Variants in THSD4 observed in about 807,000 individuals in gnomAD.
THSD4 encodes the protein thrombospondin type-1 domain-containing protein 4.
In THSD4, 69 loss-of-function variants were observed where a neutral mutation model predicts 119.0. The ratio of observed to expected loss-of-function variants is 0.58; its 90% CI spans 0.48 to 0.71. THSD4 has a LOEUF of 0.71. Among genes scored for constraint, THSD4 ranks in the 30% least tolerant of loss-of-function variants. The pLI, the probability that THSD4 is intolerant of heterozygous loss-of-function variation, is 0.00. For missense variants in THSD4, 1,393 were observed against 1,391.1 expected, an observed-to-expected ratio of 1.00 and a Z score of -0.02; for synonymous variants, 524 against 540.4, an observed-to-expected ratio of 0.97 and a Z score of 0.42.
intron 7 of THSD4, among the ~76,000 whole-genome samples, chr15:71,594,126 C>T (rs966047849): frequency 2.6e-5 from 4 of 151,976 alleles, no homozygotes; most frequent in Admixed American, 1.3e-4. Context: ...CGGTCCCTCT[C>T]TCTGCCCCTT....
At chr15:71,677,696 G>A (rs4776568) in intron 8 of THSD4, among the ~76,000 whole-genome samples, 148,266 of 152,314 alleles carry the variant, frequency 0.97, 72,302 homozygotes, top group East Asian at 1. Context: ...TTTCTGCTTT[G>A]TATTGATAGT....
intron 3 of THSD4, among the ~76,000 whole-genome samples, chr15:71,209,619 A>C (rs974808): frequency 0.97 from 148,011 of 152,240 alleles, 72,074 homozygotes; most frequent in Middle Eastern, 1. Flanking sequence ...CGTTTTCCAT[A>C]ATGGAAGATC....
intron 4 of THSD4, among the ~76,000 whole-genome samples, chr15:71,241,807 A>C (rs986959393): frequency 3.3e-5 from 5 of 152,192 alleles, no homozygotes; most frequent in Non-Finnish European, 7.3e-5. Context: ...GGCTTGTCCA[A>C]CCCATGGCCC....
intron 6 of THSD4, among the ~76,000 whole-genome samples, chr15:71,405,716 T>A (rs1040455410): frequency 1.3e-5 from 2 of 152,214 alleles, no homozygotes; most frequent in Non-Finnish European, 2.9e-5. Context: ...TTGTATTGAA[T>A]CTGTAGATCA....
intron 7 of THSD4, among the ~76,000 whole-genome samples, chr15:71,608,354 AC>A (rs1328898639): frequency 1.3e-5 from 2 of 151,968 alleles, no homozygotes; most frequent in East Asian, 3.9e-4. Context: ...GTCCTGATGT[AC>A]TTCTTTCTGG....
rs780485314 is a variant in THSD4 at position 71,141,504 on chromosome 15, G to C, written c.-24G>C. 3 of 1,605,510 alleles carry C rather than the reference G, an allele frequency of 1.9e-6. No individual in the cohort carries two copies. The highest frequency in any genetic ancestry group is 3.4e-5 in the Admixed American group (2 of 58,892). On this transcript the variant is annotated 5_prime_UTR_variant, in exon 2 of 18. Coordinates refer to ENST00000261862, the MANE Select transcript of THSD4 (RefSeq NM_024817.3). ...TTGGCAACGTCTCTGAAGAGCCCTT[G>C]CTTTTGCCTGGACCCCCAGCATCAT...
At chr15:71,747,540 A>G (rs2053363478) in intron 13 of THSD4, among the ~76,000 whole-genome samples, 1 of 152,232 alleles carries the variant, frequency 6.6e-6, no homozygotes, top group Non-Finnish European at 1.5e-5. Flanking sequence ...TACAAGTTGA[A>G]AGGCTTTTAG....
At chr15:71,593,969 A>C (rs2049858739) in intron 7 of THSD4, among the ~76,000 whole-genome samples, 1 of 151,436 alleles carries the variant, frequency 6.6e-6, no homozygotes, top group Admixed American at 6.6e-5. Context: ...TGAAATCACT[A>C]AGAATGGGGG....
intron 12 of THSD4, among the ~76,000 whole-genome samples, chr15:71,745,998 G>A (rs971357565): frequency 6.6e-6 from 1 of 152,188 alleles, no homozygotes; most frequent in Non-Finnish European, 1.5e-5. Flanking sequence ...CAAGGGGAAA[G>A]GGCCCTAAAA....
chr15:71,393,068 T>C (rs989348371), intron 6 of THSD4, among the ~76,000 whole-genome samples: 3 of 152,140 alleles, frequency 2.0e-5, no homozygotes, highest in African/African-American at 7.2e-5. Flanking sequence ...AATGCTTGCA[T>C]TTGATTGTGA....
At chr15:71,350,993 C>A (rs1197999556) in intron 6 of THSD4, among the ~76,000 whole-genome samples, 1 of 152,196 alleles carries the variant, frequency 6.6e-6, no homozygotes, top group African/African-American at 2.4e-5. Flanking sequence ...AGTTTGTCAC[C>A]ACGCTGTGGT....
At chr15:71,321,801 TAAGACCTATTAA>T (rs1354591382) in intron 6 of THSD4, among the ~76,000 whole-genome samples, 1 of 152,094 alleles carries the variant, frequency 6.6e-6, no homozygotes, top group Admixed American at 6.6e-5. Context: ...TGAAACAACT[TAAGACCTATTAA>T]AACAACAAAT....
At chr15:71,739,403 GT>G (rs2053192033) in intron 11 of THSD4, among the ~76,000 whole-genome samples, 1 of 152,158 alleles carries the variant, frequency 6.6e-6, no homozygotes, top group Non-Finnish European at 1.5e-5. Flanking sequence ...ATAAAGTAGG[GT>G]TGTGATAGGC....
At chr15:71,341,014 T>C (rs1171076344) in intron 6 of THSD4, 14 of 654,756 alleles carry the variant, frequency 2.1e-5, no homozygotes, top group African/African-American at 3.6e-5. Context: ...GGTCTCCCCA[T>C]TGTTTCCCAG....
intron 17 of THSD4, among the ~76,000 whole-genome samples, chr15:71,775,752 T>C (rs776435888): frequency 3.3e-5 from 5 of 152,030 alleles, no homozygotes; most frequent in African/African-American, 9.7e-5. Flanking sequence ...TAGAAGTTTA[T>C]ATGGAAGAGC....
chr15:71,587,923 G>C (rs1029328542), intron 7 of THSD4, among the ~76,000 whole-genome samples: 1 of 152,002 alleles, frequency 6.6e-6, no homozygotes, highest in Non-Finnish European at 1.5e-5. Flanking sequence ...CTTGGAAGCT[G>C]GGACTTTTGA....
intron 6 of THSD4, among the ~76,000 whole-genome samples, chr15:71,271,847 C>T (rs1440885993): frequency 6.6e-6 from 1 of 152,138 alleles, no homozygotes; most frequent in East Asian, 1.9e-4. Flanking sequence ...TAGGAGAAAA[C>T]ATAGGAGAAA....
chr15:71,531,038 A>AG (rs1245472719), intron 7 of THSD4, among the ~76,000 whole-genome samples: 1 of 152,136 alleles, frequency 6.6e-6, no homozygotes, highest in Non-Finnish European at 1.5e-5. Context: ...AGAGACCTGA[A>AG]GGAGTGGTCC....
intron 7 of THSD4, among the ~76,000 whole-genome samples, chr15:71,643,808 T>G (rs1024042411): frequency 3.3e-5 from 5 of 152,210 alleles, no homozygotes; most frequent in East Asian, 1.9e-4. Flanking sequence ...TGTGTTTCAA[T>G]TTACAACCTT....
Sources: gnomAD v4.1 joint callset for allele counts (sites outside exome capture counted in the v4.1 genomes callset) on GRCh38, gnomAD v4.1.1 for gene constraint, MANE v1.5 for transcripts, NCBI Gene and HGNC (gene_info 2026-07-23, HGNC 2026-07-21) for gene names.